SIPA1L1: variants seen among roughly 807,000 people sequenced by gnomAD.
SIPA1L1 encodes signal induced proliferation associated 1 like 1, also known as signal-induced proliferation-associated 1-like protein 1.
SIPA1L1 carries 26 observed loss-of-function variants against 162.7 expected under a neutral mutation model. The observed-to-expected ratio is 0.16, with a 90% CI of 0.12 to 0.22. The LOEUF is 0.22. Ranked by LOEUF, SIPA1L1 falls within the 10% of genes least tolerant of loss-of-function variation. The pLI is 1.00. For missense variants in SIPA1L1, 1,874 were observed against 2,241.0 expected, an observed-to-expected ratio of 0.84 and a Z score of 3.31; for synonymous variants, 829 against 837.4, an observed-to-expected ratio of 0.99 and a Z score of 0.17.
At chr14:71,427,237 T>C (rs2043635148) in intron 2 of SIPA1L1, among the ~76,000 whole-genome samples, 1 of 135,574 alleles carries the variant, frequency 7.4e-6, no homozygotes, top group African/African-American at 2.5e-5. Context: ...CTTTCTCAGC[T>C]TTTTTTTTTG....
chr14:71,603,626 A>G (rs1183563198), intron 5 of SIPA1L1, among the ~76,000 whole-genome samples: 2 of 152,074 alleles, frequency 1.3e-5, no homozygotes, highest in African/African-American at 4.8e-5. Context: ...TGCCTTACTA[A>G]TTAAAAAGAA....
At chr14:71,608,143 T>C (rs1273525404) in intron 5 of SIPA1L1, among the ~76,000 whole-genome samples, 1 of 152,180 alleles carries the variant, frequency 6.6e-6, no homozygotes, top group Non-Finnish European at 1.5e-5. Context: ...CATCTTCCTA[T>C]TTGCATTCAA....
At chr14:71,464,573 G>A (rs565734103) in intron 2 of SIPA1L1, among the ~76,000 whole-genome samples, 6 of 152,146 alleles carry the variant, frequency 3.9e-5, no homozygotes, top group African/African-American at 1.2e-4. Flanking sequence ...CCCAGGAGGC[G>A]GAGGTTGCAG....
chr14:71,593,498 A>G (rs1166084412), intron 5 of SIPA1L1, among the ~76,000 whole-genome samples: 3 of 152,134 alleles, frequency 2.0e-5, no homozygotes. Flanking sequence ...AGCGTGAGCC[A>G]CCGTACCTGG....
chr14:71,723,982 G>A (rs2083997977), intron 18 of SIPA1L1, 96 bp downstream of exon 18: 1 of 1,460,808 alleles, frequency 6.8e-7, no homozygotes, highest in Non-Finnish European at 9.3e-7. Context: ...AAGAGGCCGG[G>A]CTAGGGGGTT....
chr14:71,404,797 C>A (rs1247056849), intron 2 of SIPA1L1, among the ~76,000 whole-genome samples: 1 of 152,122 alleles, frequency 6.6e-6, no homozygotes, highest in Non-Finnish European at 1.5e-5. Context: ...TTACAAAGAA[C>A]TTAGTAGAAT....
intron 5 of SIPA1L1, 96 bp downstream of exon 5, chr14:71,589,466 G>GATTTGC (rs1376438922): frequency 1.5e-6 from 1 of 686,300 alleles, no homozygotes; most frequent in East Asian, 2.8e-5. Context: ...TGTGACATAA[G>GATTTGC]ATTTGCATGT....
chr14:71,429,228 T>C (rs2043806001), intron 2 of SIPA1L1, among the ~76,000 whole-genome samples: 1 of 152,176 alleles, frequency 6.6e-6, no homozygotes, highest in African/African-American at 2.4e-5. Context: ...ATTAGTCCAT[T>C]TATAAGGTTT....
At chr14:71,485,200 CAGA>C (rs1175797962) in intron 2 of SIPA1L1, among the ~76,000 whole-genome samples, 3 of 152,206 alleles carry the variant, frequency 2.0e-5, no homozygotes, top group Non-Finnish European at 4.4e-5. Context: ...ATATCAGTAG[CAGA>C]AGAATGCTAT....
At chr14:71,600,290 T>A (rs767412373) in intron 5 of SIPA1L1, among the ~76,000 whole-genome samples, 1 of 152,220 alleles carries the variant, frequency 6.6e-6, no homozygotes, top group Non-Finnish European at 1.5e-5. Context: ...GTTGATTTTG[T>A]ATATAGCGAG....
chr14:71,615,967 G>A (rs1237500997), intron 5 of SIPA1L1, among the ~76,000 whole-genome samples: 6 of 152,232 alleles, frequency 3.9e-5, no homozygotes, highest in Admixed American at 3.9e-4. Context: ...CTGCACTCCA[G>A]TGTAGGTGAC....
intron 2 of SIPA1L1, chr14:71,398,389 A>C (rs747487726): frequency 2.0e-5 from 3 of 152,172 alleles, no homozygotes; most frequent in Non-Finnish European, 4.4e-5. Flanking sequence ...GTGAATGTTG[A>C]TACTTTGGGT....
intron 7 of SIPA1L1, among the ~76,000 whole-genome samples, chr14:71,633,361 A>G (rs1183022509): frequency 2.0e-5 from 3 of 152,084 alleles, no homozygotes; most frequent in African/African-American, 4.8e-5. Context: ...TTTAGTAGAG[A>G]CGGGGTTTCA....
At chr14:71,697,778 T>C (rs1338206881) in intron 13 of SIPA1L1, among the ~76,000 whole-genome samples, 1 of 152,244 alleles carries the variant, frequency 6.6e-6, no homozygotes, top group African/African-American at 2.4e-5. Flanking sequence ...CATCCTGCCC[T>C]ACTCAGAAGA....
At chr14:71,592,130 G>T (rs1194819208) in intron 5 of SIPA1L1, among the ~76,000 whole-genome samples, 2 of 152,178 alleles carry the variant, frequency 1.3e-5, no homozygotes, top group Non-Finnish European at 2.9e-5. Context: ...AGCATGGTTT[G>T]CAGGGAAATT....
In SIPA1L1 at chr14:71,377,144, C is replaced by T. The variant is rs1225983531; in HGVS notation, c.-465+55963C>T. 3.4e-5 allele frequency among the ~76,000 whole-genome samples: 5 copies of T among 146,958 alleles called. No individual in the cohort carries two copies. Among genetic ancestry groups the T allele is most frequent in the African/African-American group, 5.1e-5 (2 of 39,480 alleles). On this transcript the variant is annotated intron_variant, in intron 2 of 23. Coordinates refer to ENST00000381232, the MANE Select transcript of SIPA1L1 (RefSeq NM_001386936.1). This position sits in a 1 kb window ranked among gnomAD's most constrained non-coding sequence, Gnocchi z 4.8. ...GGGCCCCCCCACCCCCCAGATGGGG[C>T]GGCCAGGCAGAGGCAGCCCCCACCT...
rs892430791 is a variant in SIPA1L1, at chr14:71,395,109, A to G, written c.-465+73928A>G. On this transcript the variant is annotated intron_variant, in intron 2 of 23. Transcript: ENST00000381232. ...AAATTTTTCTTAAAAAGAGTTTGTA[A>G]TGATTCATAATTTCATCAGATCTAC... Among the ~76,000 whole-genome samples, 5 of 152,214 alleles carry G rather than the reference A, an allele frequency of 3.3e-5. No individual in the cohort carries two copies. The East Asian group carries it at 9.6e-4, about 29-fold the overall frequency.
intron 13 of SIPA1L1, among the ~76,000 whole-genome samples, chr14:71,692,580 A>G (rs2081328467): frequency 6.6e-6 from 1 of 152,194 alleles, no homozygotes; most frequent in African/African-American, 2.4e-5. Context: ...ACATTTTTAG[A>G]TGATACTGCA....
At chr14:71,652,264 T>C (rs1169133691) in intron 8 of SIPA1L1, among the ~76,000 whole-genome samples, 3 of 152,116 alleles carry the variant, frequency 2.0e-5, no homozygotes, top group Admixed American at 6.6e-5. Flanking sequence ...ACCACCAAAA[T>C]AGGCAACAGC....
Sources: gnomAD v4.1 joint callset for allele counts (sites outside exome capture counted in the v4.1 genomes callset) on GRCh38, gnomAD v4.1.1 for gene constraint, Gnocchi (gnomAD v3.1) non-coding constraint, MANE v1.5 for transcripts, NCBI Gene and HGNC (gene_info 2026-07-23, HGNC 2026-07-21) for gene names.